EFTUD2: variants seen among roughly 807,000 people sequenced by gnomAD.
EFTUD2 encodes elongation factor Tu GTP binding domain containing 2, also known as 116 kDa U5 small nuclear ribonucleoprotein component.
Under a neutral mutation model 114.3 loss-of-function variants are expected in EFTUD2, and 9 were observed. The observed-to-expected ratio is 0.08, with a 90% CI of 0.05 to 0.14. The LOEUF is 0.14. Ranked by LOEUF, EFTUD2 falls within the 10% of genes least tolerant of loss-of-function variation. EFTUD2 has a pLI of 1.00. For synonymous variants in EFTUD2, 449 were observed against 462.3 expected (o/e 0.97, Z 0.37); for missense variants, 765 against 1,241.2 (o/e 0.62, Z 5.76).
In EFTUD2 at chr17:44,894,428, C is replaced by A. The variant is rs754525589; in HGVS notation, c.94G>T (p.Asp32Tyr). ...DDDELGRETK[D>Y]LDEMDDDDDD... is the part of the protein sequence containing the mutation. ...TATATTTGTTTTACCTCATCAAGATCTTTGGTCTCTCTACCCAATTCATCA... is the reference window on the plus strand; with the variant it reads ...TATATTTGTTTTACCTCATCAAGATATTTGGTCTCTCTACCCAATTCATCA... The change falls in exon 2 of 28, where the codon GAT becomes TAT. Residue 32 changes from aspartate to tyrosine, a missense_variant. Asp to Tyr is a radical substitution (Grantham distance 160). Transcript: ENST00000426333. The A allele has an allele frequency of 1.9e-6, 3 of 1,612,104 alleles. No individual in the cohort carries two copies. The highest frequency in any genetic ancestry group is 3.3e-5 in the Admixed American group (2 of 60,016).
At chr17:44,895,475 G>A (rs1024679762) in intron 1 of EFTUD2, among the ~76,000 whole-genome samples, 1 of 130,978 alleles carries the variant, frequency 7.6e-6, no homozygotes, top group African/African-American at 2.9e-5. Context: ...CAGCCTGGGA[G>A]ACAGAACAAG....
chr17:44,872,097 A>G (rs1418005374), intron 11 of EFTUD2, among the ~76,000 whole-genome samples: 2 of 152,218 alleles, frequency 1.3e-5, no homozygotes, highest in Non-Finnish European at 2.9e-5. Flanking sequence ...GGCTAGAAGC[A>G]CTAACAGTGA....
chr17:44,874,299 C>A (rs1308650975), intron 10 of EFTUD2, among the ~76,000 whole-genome samples: 1 of 152,132 alleles, frequency 6.6e-6, no homozygotes, highest in Non-Finnish European at 1.5e-5. Context: ...CCTGCCTTGA[C>A]CTCTCAAAGT....
chr17:44,867,932 G>T, intron 12 of EFTUD2, 35 bp from the exon 13 acceptor site: 1 of 1,529,560 alleles, frequency 6.5e-7, no homozygotes, highest in Non-Finnish European at 8.8e-7. Flanking sequence ...TGACCCAGGG[G>T]AAAAGGCACT....
intron 20 of EFTUD2, among the ~76,000 whole-genome samples, chr17:44,856,602 C>G (rs2050559139): frequency 1.3e-5 from 2 of 151,900 alleles, no homozygotes; most frequent in African/African-American, 4.8e-5. Flanking sequence ...ATTTGGGAGG[C>G]CAAGATGGGA....
At chr17:44,881,351 G>A (rs923244674) in intron 7 of EFTUD2, among the ~76,000 whole-genome samples, 19 of 152,252 alleles carry the variant, frequency 1.2e-4, no homozygotes, top group Non-Finnish European at 2.6e-4. Flanking sequence ...ATTTTTAAAG[G>A]ATGATGTCAT....
chr17:44,869,515 G>C (rs148740440), intron 11 of EFTUD2, among the ~76,000 whole-genome samples: 5,447 of 152,200 alleles, frequency 0.036, 135 homozygotes, highest in Middle Eastern at 0.14. Context: ...GCCTAGGCTG[G>C]TTTTGAACTC....
At position 44,854,735 on chromosome 17, in the gene EFTUD2, C is replaced by G. The variant is rs2050516485; in HGVS notation, c.2133-53G>C. 4 of 1,595,398 alleles carry G rather than the reference C, an allele frequency of 2.5e-6. No individual in the cohort carries two copies. Among genetic ancestry groups the G allele is most frequent in the Non-Finnish European group, 2.6e-6 (3 of 1,168,794 alleles). On this transcript the variant is annotated intron_variant, in intron 21 of 27. Coordinates refer to ENST00000426333, the MANE Select transcript of EFTUD2 (RefSeq NM_004247.4). The surrounding 1 kb of genome is among the most constrained non-coding windows in gnomAD (Gnocchi z 4.3). ...GTCAGCCAGCTCTGTGATTGCTGGTCCTGGAGCCACAGACCCTCCCTTCCT... is the reference window on the plus strand; with the variant it reads ...GTCAGCCAGCTCTGTGATTGCTGGTGCTGGAGCCACAGACCCTCCCTTCCT...
rs546573914 is a variant in EFTUD2 at position 44,882,273 on chromosome 17, A to G, written c.493-551T>C. Among the ~76,000 whole-genome samples, 3 of 151,588 alleles carry G rather than the reference A, an allele frequency of 2.0e-5. No homozygotes were observed. In the East Asian group the frequency reaches 5.8e-4, roughly 29 times the overall value. On this transcript the variant is annotated intron_variant, in intron 6 of 27. Coordinates refer to ENST00000426333, the MANE Select transcript of EFTUD2 (RefSeq NM_004247.4). ...GGTTGTGATTTTGTCTTTTTTTGAG[A>G]TGGAGTCTCACTCAGTCGCCCAGAC...
chr17:44,855,124 C>A, intron 20 of EFTUD2, 120 bp from the exon 21 acceptor site: 1 of 863,610 alleles, frequency 1.2e-6, no homozygotes, highest in South Asian at 1.4e-5. Flanking sequence ...CCACAGGGGC[C>A]AAGCGTGGTG....
At chr17:44,883,604 A>G (rs779886433) in intron 5 of EFTUD2, 45 bp downstream of exon 5, 17 of 1,571,324 alleles carry the variant, frequency 1.1e-5, no homozygotes, top group South Asian at 4.4e-5. Context: ...ATGAGCAGGT[A>G]CAAAAGAGAA....
intron 16 of EFTUD2, 22 bp from the exon 17 acceptor site, chr17:44,860,565 A>C: frequency 6.8e-7 from 1 of 1,460,516 alleles, no homozygotes; most frequent in Non-Finnish European, 9.6e-7. Context: ...TCCAATAAGC[A>C]GCAGTGAAAC....
chr17:44,883,586 G>C, intron 5 of EFTUD2, 63 bp downstream of exon 5: 1 of 1,492,754 alleles, frequency 6.7e-7, no homozygotes, highest in South Asian at 1.1e-5. Flanking sequence ...GACTCTAAGG[G>C]CTAAAACATG....
chr17:44,876,608 T>G lies in EFTUD2; in HGVS notation c.703-508A>C, dbSNP rs7211715. ...TGGCTCATGCCTGTAATTCCAGCAC[T>G]TTGGGAGGCTGAGGTGGGCGAATCA... On this transcript the variant is annotated intron_variant, in intron 9 of 27. Transcript: ENST00000426333. Among the ~76,000 whole-genome samples, 153 of 152,050 alleles carry G rather than the reference T, an allele frequency of 1.0e-3. 1 individual carries two copies. Among genetic ancestry groups the G allele is most frequent in the African/African-American group, 3.6e-3 (149 of 41,474 alleles).
intron 18 of EFTUD2, 80 bp downstream of exon 18, chr17:44,859,825 T>A: frequency 1.9e-6 from 3 of 1,599,610 alleles, no homozygotes; most frequent in East Asian, 4.5e-5. Context: ...GAACACCTGA[T>A]GGATGGGAAG....
intron 12 of EFTUD2, 71 bp from the exon 13 acceptor site, chr17:44,867,968 T>C: frequency 3.5e-6 from 5 of 1,410,072 alleles, no homozygotes; most frequent in Non-Finnish European, 4.8e-6. Flanking sequence ...AGGCATTGTC[T>C]AAGTGCTGAA....
At chr17:44,851,897 A>C in intron 26 of EFTUD2, 80 bp from the exon 27 acceptor site, 2 of 1,186,472 alleles carry the variant, frequency 1.7e-6, no homozygotes, top group South Asian at 1.5e-5. Context: ...CTTCTTATTT[A>C]TTTTATTCCT....
intron 5 of EFTUD2, 117 bp downstream of exon 5, chr17:44,883,532 T>C (rs2145547764): frequency 1.1e-6 from 1 of 951,890 alleles, no homozygotes; most frequent in Non-Finnish European, 1.7e-6. Context: ...GCAGCACCCC[T>C]AGTCAGGAGG....
intron 2 of EFTUD2, 110 bp from the exon 3 acceptor site, chr17:44,886,860 ATT>A: frequency 6.7e-7 from 1 of 1,488,576 alleles, no homozygotes; most frequent in Admixed American, 2.1e-5. Flanking sequence ...CCAGCTTCTT[ATT>A]CTGAGTTCTA....
Sources: allele counts gnomAD v4.1 joint callset (sites outside exome capture counted in the v4.1 genomes callset), GRCh38; gene constraint gnomAD v4.1.1; non-coding constraint Gnocchi (gnomAD v3.1); transcripts MANE v1.5; gene names NCBI Gene and HGNC (gene_info 2026-07-23, HGNC 2026-07-21).